Variants in PDE1A observed in about 807,000 individuals in gnomAD.
The protein encoded by PDE1A is dual specificity calcium/calmodulin-dependent 3',5'-cyclic nucleotide phosphodiesterase 1A.
Under a neutral mutation model 61.7 loss-of-function variants are expected in PDE1A, and 35 were observed. That is an observed-to-expected ratio of 0.57 (90% CI 0.43 to 0.75). The LOEUF (loss-of-function observed/expected upper bound fraction) is 0.75, where lower values mean the gene tolerates loss of function less well. Among genes scored for constraint, PDE1A ranks in the 30% least tolerant of loss-of-function variants. The pLI is 0.00. For missense variants in PDE1A, 597 were observed against 630.6 expected (o/e 0.95, Z 0.57); for synonymous variants, 232 against 213.2 (o/e 1.09, Z -0.77).
intron 2 of PDE1A, among the ~76,000 whole-genome samples, chr2:182,499,917 G>T (rs979815562): frequency 6.6e-6 from 1 of 152,186 alleles, no homozygotes; most frequent in African/African-American, 2.4e-5. Flanking sequence ...GCAAAGGGCA[G>T]TCCCAGGGGA....
chr2:182,494,948 GTCT>G (rs1688621123), intron 2 of PDE1A, among the ~76,000 whole-genome samples: 1 of 151,984 alleles, frequency 6.6e-6, no homozygotes, highest in Non-Finnish European at 1.5e-5. Context: ...TTCCTCTGTG[GTCT>G]TCTCACTGCA....
chr2:182,382,835 T>C (rs1052939740), intron 1 of PDE1A, among the ~76,000 whole-genome samples: 1 of 152,218 alleles, frequency 6.6e-6, no homozygotes. Context: ...AAGATTTAAA[T>C]AGGTATCTTC....
intron 1 of PDE1A, among the ~76,000 whole-genome samples, chr2:182,282,442 A>G (rs890729655): frequency 6.6e-6 from 1 of 151,990 alleles, no homozygotes; most frequent in Non-Finnish European, 1.5e-5. Context: ...CATCCTTTTG[A>G]ATTAATTAAG....
intron 1 of PDE1A, among the ~76,000 whole-genome samples, chr2:182,330,055 T>A (rs1411194609): frequency 6.6e-6 from 1 of 152,140 alleles, no homozygotes; most frequent in Non-Finnish European, 1.5e-5. Flanking sequence ...CCATCTGTTA[T>A]TTCTCGGTTG....
intron 4 of PDE1A, among the ~76,000 whole-genome samples, chr2:182,232,457 A>C (rs1486150490): frequency 6.6e-6 from 1 of 152,198 alleles, no homozygotes; most frequent in Non-Finnish European, 1.5e-5. Context: ...ATGTGCTATA[A>C]TATGCTAGAA....
At chr2:182,580,364 C>T in the PDE1A span, among the ~76,000 whole-genome samples, 1 of 152,140 alleles carries the variant, frequency 6.6e-6, no homozygotes, top group African/African-American at 2.4e-5. Flanking sequence ...CTCTCATTCG[C>T]TTATGGGTAG....
intron 1 of PDE1A, among the ~76,000 whole-genome samples, chr2:182,303,752 T>C (rs1357380623): frequency 1.3e-5 from 2 of 152,242 alleles, no homozygotes; most frequent in Non-Finnish European, 2.9e-5. Context: ...GGCTGATTCA[T>C]CTTCACTGAA....
chr2:182,426,881 A>G (rs1703657633), exon 1 of PDE1A: 1 of 1,281,544 alleles, frequency 7.8e-7, no homozygotes, highest in Non-Finnish European at 9.9e-7. Flanking sequence ...AACCACCAAG[A>G]GTCACGTTGA....
chr2:182,691,853 A>C, the PDE1A span, among the ~76,000 whole-genome samples: 2 of 152,300 alleles, frequency 1.3e-5, no homozygotes, highest in East Asian at 1.9e-4. Flanking sequence ...ACCCCATCAA[A>C]AAGTGGGCGA....
chr2:182,486,266 C>T (rs567803986), intron 2 of PDE1A, among the ~76,000 whole-genome samples: 5 of 151,834 alleles, frequency 3.3e-5, no homozygotes, highest in Non-Finnish European at 7.4e-5. Flanking sequence ...AAAATTTGTA[C>T]ACTGACAATA....
chr2:182,386,892 C>T (rs1701137746), intron 1 of PDE1A, among the ~76,000 whole-genome samples: 1 of 152,236 alleles, frequency 6.6e-6, no homozygotes, highest in Non-Finnish European at 1.5e-5. Flanking sequence ...AGCCCCTCTG[C>T]CCGGCCACCA....
the PDE1A span, among the ~76,000 whole-genome samples, chr2:182,684,149 A>G: frequency 6.6e-6 from 1 of 151,716 alleles, no homozygotes; most frequent in Non-Finnish European, 1.5e-5. Context: ...AAGAAATGCA[A>G]AATGGTTCAA....
chr2:182,370,332 T>C (rs149696186), intron 1 of PDE1A, among the ~76,000 whole-genome samples: 296 of 152,332 alleles, frequency 1.9e-3, no homozygotes, highest in African/African-American at 6.7e-3. Context: ...TAATGGACTC[T>C]AGTTCCTTGA....
At chr2:182,409,569 C>G (rs954835147) in intron 1 of PDE1A, among the ~76,000 whole-genome samples, 1 of 152,112 alleles carries the variant, frequency 6.6e-6, no homozygotes, top group Non-Finnish European at 1.5e-5. Flanking sequence ...CATGAAAAAG[C>G]CTTCAAACAA....
intron 2 of PDE1A, among the ~76,000 whole-genome samples, chr2:182,254,737 A>G (rs1224394558): frequency 1.3e-5 from 2 of 152,166 alleles, no homozygotes; most frequent in African/African-American, 4.8e-5. Flanking sequence ...GCTTTCCACC[A>G]CATCCCACAC....
the PDE1A span, among the ~76,000 whole-genome samples, chr2:182,652,885 C>T: frequency 6.6e-6 from 1 of 152,148 alleles, no homozygotes; most frequent in Non-Finnish European, 1.5e-5. Flanking sequence ...TCACCCAAAC[C>T]TTCAGCTGAT....
At chr2:182,486,929 T>C (rs1027331441) in intron 2 of PDE1A, among the ~76,000 whole-genome samples, 4 of 152,114 alleles carry the variant, frequency 2.6e-5, no homozygotes, top group Non-Finnish European at 5.9e-5. Context: ...TTTGACTTCA[T>C]TAAAATTAAA....
intron 2 of PDE1A, among the ~76,000 whole-genome samples, chr2:182,260,488 C>T (rs1185009915): frequency 1.3e-5 from 2 of 152,104 alleles, no homozygotes; most frequent in South Asian, 2.1e-4. Context: ...AGAAAATCAA[C>T]CACATAAATT....
intron 1 of PDE1A, among the ~76,000 whole-genome samples, chr2:182,341,116 A>C (rs1360039500): frequency 6.6e-6 from 1 of 152,212 alleles, no homozygotes; most frequent in African/African-American, 2.4e-5. Flanking sequence ...TTACTCCTTC[A>C]AAGTACTCTT....
Sources: gnomAD v4.1 joint callset for allele counts (sites outside exome capture counted in the v4.1 genomes callset) on GRCh38, gnomAD v4.1.1 for gene constraint, MANE v1.5 for transcripts, NCBI Gene and HGNC (gene_info 2026-07-23, HGNC 2026-07-21) for gene names.